SLC25A21: variants seen among roughly 807,000 people sequenced by gnomAD.
SLC25A21 encodes the protein mitochondrial 2-oxodicarboxylate carrier.
In SLC25A21, 47 loss-of-function variants were observed where a neutral mutation model predicts 43.8. The observed-to-expected ratio is 1.07, with a 90% CI of 0.85 to 1.37. The LOEUF (loss-of-function observed/expected upper bound fraction) is 1.37. Among genes scored for constraint, SLC25A21 ranks in the 40% most tolerant of loss-of-function variants. The pLI is 0.00. For synonymous variants in SLC25A21, 131 were observed against 121.3 expected, an observed-to-expected ratio of 1.08 and a Z score of -0.52; for missense variants, 352 against 350.2, an observed-to-expected ratio of 1.00 and a Z score of -0.04.
chr14:36,801,636 T>C (rs552776974), intron 3 of SLC25A21, among the ~76,000 whole-genome samples: 46 of 152,208 alleles, frequency 3.0e-4, no homozygotes, highest in Admixed American at 3.0e-3. Flanking sequence ...AGCAGGAGGG[T>C]TCTCCTGATG....
At chr14:36,954,897 G>T (rs1242099366) in intron 1 of SLC25A21, among the ~76,000 whole-genome samples, 1 of 151,976 alleles carries the variant, frequency 6.6e-6, no homozygotes, top group African/African-American at 2.4e-5. Flanking sequence ...CTCAAATATT[G>T]CCACTCCTAG....
At chr14:36,763,792 A>G (rs1886255085) in intron 3 of SLC25A21, among the ~76,000 whole-genome samples, 2 of 151,762 alleles carry the variant, frequency 1.3e-5, no homozygotes, top group South Asian at 4.2e-4. Context: ...GCACTTTAGG[A>G]GGCCGAAGCA....
rs1397904925 is a variant in SLC25A21 at position 36,776,234 on chromosome 14, C to CTTTTTTTTTTTTTTTTTT, written c.203+37683_203+37684insAAAAAAAAAAAAAAAAAA. Among the ~76,000 whole-genome samples the CTTTTTTTTTTTTTTTTTT allele has an allele frequency of 5.9e-4, 45 of 75,746 alleles. 4 individuals carry two copies. Among genetic ancestry groups the CTTTTTTTTTTTTTTTTTT allele is most frequent in the African/African-American group, 2.3e-3 (41 of 17,562 alleles). The allele number at this position is 75,746 out of a possible 152,430, so 49.7% of individuals were successfully genotyped here. A position where few individuals can be genotyped will look rare whatever the true frequency, so the allele number is the denominator to read the frequency against. ...CTTTCTTTTTTCTTTTTCTTTCTTT[C>CTTTTTTTTTTTTTTTTTT]TTTCTTTTTTTTTTTTTTTTGAGAT... On this transcript the variant is annotated intron_variant, in intron 3 of 9. Transcript: ENST00000331299.
intron 1 of SLC25A21, among the ~76,000 whole-genome samples, chr14:36,876,618 C>T (rs1424740987): frequency 1.3e-5 from 2 of 152,044 alleles, no homozygotes; most frequent in Non-Finnish European, 2.9e-5. Context: ...CCATATACTT[C>T]TCCTTGCTTG....
intron 1 of SLC25A21, among the ~76,000 whole-genome samples, chr14:36,907,767 ACT>A (rs1417130872): frequency 6.6e-6 from 1 of 152,178 alleles, no homozygotes; most frequent in African/African-American, 2.4e-5. Context: ...GAAACTGATC[ACT>A]GTGTGAAGGG....
intron 1 of SLC25A21, among the ~76,000 whole-genome samples, chr14:37,051,821 AC>A (rs1422810103): frequency 6.6e-6 from 1 of 152,100 alleles, no homozygotes; most frequent in Non-Finnish European, 1.5e-5. Context: ...AAATACTCTG[AC>A]CTCATTGTCC....
intron 1 of SLC25A21, among the ~76,000 whole-genome samples, chr14:37,153,333 T>C (rs1345902161): frequency 6.6e-6 from 1 of 152,220 alleles, no homozygotes; most frequent in Non-Finnish European, 1.5e-5. Flanking sequence ...GCTCAAGTTA[T>C]CACTGCTGGA....
chr14:36,926,050 TAC>T (rs1333923508), intron 1 of SLC25A21, among the ~76,000 whole-genome samples: 8 of 152,270 alleles, frequency 5.3e-5, no homozygotes, highest in Non-Finnish European at 1.0e-4. Flanking sequence ...AGTTGCAGAA[TAC>T]ACATTCTTTT....
chr14:37,081,488 G>T (rs1962387344), intron 1 of SLC25A21, among the ~76,000 whole-genome samples: 1 of 152,256 alleles, frequency 6.6e-6, no homozygotes, highest in Non-Finnish European at 1.5e-5. Context: ...CTGTCTATCA[G>T]AATGTGGTTG....
At chr14:36,898,146 G>A in intron 1 of SLC25A21, among the ~76,000 whole-genome samples, 1 of 152,196 alleles carries the variant, frequency 6.6e-6, no homozygotes, top group East Asian at 1.9e-4. Flanking sequence ...AGTCTACAGA[G>A]GCAGGCAGGC....
chr14:37,055,075 C>T (rs1387672113), intron 1 of SLC25A21, among the ~76,000 whole-genome samples: 3 of 152,190 alleles, frequency 2.0e-5, no homozygotes, highest in Admixed American at 6.5e-5. Context: ...CAAGCGTCAA[C>T]TGCGGAAATC....
chr14:36,689,192 A>G (rs981784074), intron 7 of SLC25A21, among the ~76,000 whole-genome samples: 45 of 152,328 alleles, frequency 3.0e-4, no homozygotes, highest in Middle Eastern at 3.4e-3. Context: ...CCAAAAAAAG[A>G]GCTTGTGCAG....
intron 1 of SLC25A21, among the ~76,000 whole-genome samples, chr14:36,977,850 C>T (rs939149578): frequency 1.3e-5 from 2 of 151,580 alleles, no homozygotes; most frequent in Non-Finnish European, 2.9e-5. Context: ...TTTCTTTGCA[C>T]GTGGAACTTT....
At chr14:36,889,712 C>T (rs1208449197) in intron 1 of SLC25A21, among the ~76,000 whole-genome samples, 4 of 151,580 alleles carry the variant, frequency 2.6e-5, no homozygotes, top group Non-Finnish European at 5.9e-5. Context: ...AGGCTGGTCT[C>T]AAACTCCTCC....
At chr14:36,951,038 C>T (rs567962171) in intron 1 of SLC25A21, among the ~76,000 whole-genome samples, 2 of 152,098 alleles carry the variant, frequency 1.3e-5, no homozygotes, top group East Asian at 1.9e-4. Context: ...CTCTCTGCCC[C>T]CTAACTCTCC....
intron 2 of SLC25A21, among the ~76,000 whole-genome samples, chr14:36,838,923 T>C (rs976446424): frequency 6.6e-5 from 10 of 152,170 alleles, no homozygotes; most frequent in African/African-American, 2.4e-4. Flanking sequence ...TGTTACAAGG[T>C]TAGTATCATT....
intron 3 of SLC25A21, among the ~76,000 whole-genome samples, chr14:36,755,375 G>A (rs529284725): frequency 1.1e-4 from 16 of 152,306 alleles, no homozygotes; most frequent in African/African-American, 3.6e-4. Flanking sequence ...AACCATACAT[G>A]TATGCACACA....
intron 3 of SLC25A21, among the ~76,000 whole-genome samples, chr14:36,812,836 A>G (rs538909599): frequency 1.3e-5 from 2 of 152,260 alleles, no homozygotes; most frequent in South Asian, 4.1e-4. Context: ...ACTCACCAGA[A>G]ATGTGAAACT....
chr14:36,876,845 A>AAT (rs1890542335), intron 1 of SLC25A21, among the ~76,000 whole-genome samples: 2 of 150,580 alleles, frequency 1.3e-5, no homozygotes, highest in East Asian at 1.9e-4. Flanking sequence ...ATATATATGA[A>AAT]ATATATATAT....
Sources: allele counts gnomAD v4.1 joint callset (sites outside exome capture counted in the v4.1 genomes callset), GRCh38; gene constraint gnomAD v4.1.1; transcripts MANE v1.5; gene names NCBI Gene and HGNC (gene_info 2026-07-23, HGNC 2026-07-21).